The following BBS5 variants were observed in gnomAD, a reference collection of about 807,000 sequenced individuals.
BBS5 encodes the protein Bardet-Biedl syndrome 5.
A neutral mutation model predicts 50.2 loss-of-function variants in BBS5; 39 were observed. The observed-to-expected ratio is 0.78, with a 90% CI of 0.60 to 1.01. The LOEUF (loss-of-function observed/expected upper bound fraction) is 1.01. BBS5 is among the 50% of genes least tolerant of loss of function. The pLI is 0.00. For missense variants in BBS5, 356 were observed against 401.5 expected (o/e 0.89, Z 0.97); for synonymous variants, 134 against 133.1 (o/e 1.01, Z -0.05).
intron 5 of BBS5, among the ~76,000 whole-genome samples, chr2:169,490,473 T>C (rs915156414): frequency 2.0e-5 from 3 of 151,790 alleles, no homozygotes; most frequent in Admixed American, 6.6e-5. Flanking sequence ...ACCTTGGCCT[T>C]CCAAAGTGCT....
intron 9 of BBS5, among the ~76,000 whole-genome samples, chr2:169,502,874 ATTTCTC>A (rs1417307703): frequency 2.0e-5 from 3 of 152,136 alleles, no homozygotes; most frequent in Non-Finnish European, 4.4e-5. Flanking sequence ...GTATGTGTAA[ATTTCTC>A]TTTCTGGTTC....
Position 169,504,322 on chromosome 2 carries a change from A to G in BBS5, c.920A>G (p.Asn307Ser). The G allele has an allele frequency of 1.2e-6, 2 of 1,613,076 alleles. No homozygotes were observed. Among genetic ancestry groups the G allele is most frequent in the Non-Finnish European group, 1.7e-6 (2 of 1,179,076 alleles). The change falls in exon 11 of 12, where the codon AAT (asparagine) becomes AGT (serine). Residue 307 changes from asparagine (N) to serine (S), a missense_variant. Physicochemically the swap from Asn to Ser is conservative, Grantham distance 46. Transcript: ENST00000295240. ...DAFVAYFADG[N>S]KQQDREPVFS... is the part of the protein sequence containing the mutation. ...TTACAGGCTTATTTTGCTGATGGCA[A>G]TAAGGTAAGGACATTTATTTTACCT...
intron 8 of BBS5, among the ~76,000 whole-genome samples, chr2:169,497,936 C>G (rs950636406): frequency 6.6e-6 from 1 of 152,174 alleles, no homozygotes; most frequent in Non-Finnish European, 1.5e-5. Context: ...AGAATCAAGT[C>G]ATTGTGCCGA....
At chr2:169,503,052 T>C in intron 9 of BBS5, 43 bp from the exon 10 acceptor site, 1 of 1,429,632 alleles carries the variant, frequency 7.0e-7, no homozygotes, top group South Asian at 1.2e-5. Context: ...CATGGTACAT[T>C]TAATATTGTC....
At chr2:169,484,924 T>A (rs182027315) in intron 2 of BBS5, among the ~76,000 whole-genome samples, 4 of 152,242 alleles carry the variant, frequency 2.6e-5, no homozygotes, top group African/African-American at 7.2e-5. Flanking sequence ...GAGAGGAAAG[T>A]CCATGTCTGG....
intron 6 of BBS5, 130 bp downstream of exon 6, chr2:169,493,139 A>T: frequency 1.8e-6 from 2 of 1,100,116 alleles, no homozygotes; most frequent in South Asian, 2.5e-5. Flanking sequence ...TTACTTTTCA[A>T]TAAGTACAAG....
intron 2 of BBS5, among the ~76,000 whole-genome samples, chr2:169,485,168 T>G (rs1683467608): frequency 6.6e-6 from 1 of 152,172 alleles, no homozygotes; most frequent in Non-Finnish European, 1.5e-5. Flanking sequence ...GATAAAATGT[T>G]GCCTAGGTAA....
chr2:169,485,571 C>T (rs1464113119), intron 2 of BBS5, among the ~76,000 whole-genome samples: 3 of 152,166 alleles, frequency 2.0e-5, no homozygotes, highest in Non-Finnish European at 4.4e-5. Flanking sequence ...GCCTCCATTG[C>T]TAATAGATCT....
At chr2:169,497,871 T>C (rs1683724369) in intron 8 of BBS5, among the ~76,000 whole-genome samples, 182 bp downstream of exon 8, 1 of 152,254 alleles carries the variant, frequency 6.6e-6, no homozygotes, top group South Asian at 2.1e-4. Flanking sequence ...ATCCTGCTTA[T>C]ATTTTTTTGT....
intron 2 of BBS5, among the ~76,000 whole-genome samples, chr2:169,484,578 A>T (rs1683458866): frequency 6.6e-6 from 1 of 152,204 alleles, no homozygotes; most frequent in Admixed American, 6.5e-5. Context: ...TGCCAAGTTC[A>T]AGAGCCCCTT....
Position 169,504,335 on chromosome 2 carries a change from A to G in BBS5, c.924+9A>G, listed in dbSNP as rs1574345179. ...TTGCTGATGGCAATAAGGTAAGGAC[A>G]TTTATTTTACCTACAGTATATGAAA... On this transcript the variant is annotated intron_variant, in intron 11 of 11. Coordinates refer to ENST00000295240, the MANE Select transcript of BBS5 (RefSeq NM_152384.3). 1 of 1,612,402 alleles carries G rather than the reference A, an allele frequency of 6.2e-7. No individual in the cohort carries two copies. Among genetic ancestry groups the G allele is most frequent in the Non-Finnish European group, 8.5e-7 (1 of 1,178,622 alleles).
At chr2:169,489,647 T>C (rs1339511190) in intron 5 of BBS5, among the ~76,000 whole-genome samples, 1 of 150,816 alleles carries the variant, frequency 6.6e-6, no homozygotes, top group African/African-American at 2.4e-5. Context: ...TTTACTAAAT[T>C]CTTCTCTTTT....
Position 169,502,772 on chromosome 2 carries a change from C to G in BBS5, c.817-323C>G, listed in dbSNP as rs947328597. Among the ~76,000 whole-genome samples, 15 of 152,224 alleles carry G rather than the reference C, an allele frequency of 9.9e-5. No individual in the cohort carries two copies. In the South Asian group the frequency reaches 1.7e-3, roughly 17 times the overall value. On this transcript the variant is annotated intron_variant, in intron 9 of 11. Coordinates refer to ENST00000295240, the MANE Select transcript of BBS5 (RefSeq NM_152384.3). Reference sequence around the variant, plus strand: ...TATTCTGAGGAAAACTGAACATTTGCTGTTATGCAAAACTTAGTTTTTCTA... The same window carrying G: ...TATTCTGAGGAAAACTGAACATTTGGTGTTATGCAAAACTTAGTTTTTCTA...
chr2:169,490,216 G>A (rs1408456550), intron 5 of BBS5, among the ~76,000 whole-genome samples: 89 of 114,986 alleles, frequency 7.7e-4, no homozygotes, highest in African/African-American at 2.9e-3. Flanking sequence ...TTTTTGAGAC[G>A]GAGTCTCACT....
In BBS5 at chr2:169,505,662, T is replaced by C. The variant is rs568452169; in HGVS notation, c.*1080T>C. On this transcript the variant is annotated 3_prime_UTR_variant, in exon 12 of 12. Transcript: ENST00000295240. ...CTGCCCAGCCGCCCCGTCTGAGAAG[T>C]GAGGAGACCCTCCGCCTGGCAACCG... The C allele has an allele frequency of 1.4e-4, 33 of 228,286 alleles. No homozygotes were observed. The East Asian group carries it at 5.2e-3, about 36-fold the overall frequency. 14.1% of individuals were successfully genotyped at this position (228,286 alleles called of 1,614,324 possible). A position where few individuals can be genotyped will look rare whatever the true frequency, so the allele number is the denominator to read the frequency against.
At chr2:169,490,424 G>C (rs541205947) in intron 5 of BBS5, among the ~76,000 whole-genome samples, 2 of 151,932 alleles carry the variant, frequency 1.3e-5, no homozygotes, top group Non-Finnish European at 2.9e-5. Flanking sequence ...CACTGTGTTA[G>C]TCAGGATGGT....
At chr2:169,498,326 A>G (rs1390991454) in intron 8 of BBS5, among the ~76,000 whole-genome samples, 1 of 152,228 alleles carries the variant, frequency 6.6e-6, no homozygotes, top group Non-Finnish European at 1.5e-5. Flanking sequence ...CATTTTTAAA[A>G]GTGATTTATA....
intron 7 of BBS5, among the ~76,000 whole-genome samples, chr2:169,494,898 T>TA (rs1683667650): frequency 6.6e-6 from 1 of 152,134 alleles, no homozygotes. Flanking sequence ...ACCTGGAAAA[T>TA]ACCGTTTTTA....
At chr2:169,493,308 G>T (rs1057411955) in intron 6 of BBS5, among the ~76,000 whole-genome samples, 1 of 152,076 alleles carries the variant, frequency 6.6e-6, no homozygotes, top group Non-Finnish European at 1.5e-5. Flanking sequence ...TCCTTATAAA[G>T]AATACAATCT....
Sources: allele counts gnomAD v4.1 joint callset (sites outside exome capture counted in the v4.1 genomes callset), GRCh38; gene constraint gnomAD v4.1.1; transcripts MANE v1.5; gene names NCBI Gene and HGNC (gene_info 2026-07-23, HGNC 2026-07-21).